The following COL4A3 variants were observed in gnomAD, a reference collection of about 807,000 sequenced individuals.
COL4A3 encodes the protein collagen alpha-3(IV) chain.
A neutral mutation model predicts 217.4 loss-of-function variants in COL4A3; 135 were observed. That is an observed-to-expected ratio of 0.62 (90% CI 0.54 to 0.72). COL4A3 has a LOEUF of 0.72. COL4A3 is among the 30% of genes least tolerant of loss of function. The pLI is 0.00. For missense variants in COL4A3, 1,868 were observed against 2,119.9 expected (o/e 0.88, Z 2.33); for synonymous variants, 690 against 736.3 (o/e 0.94, Z 1.02).
At chr2:227,254,783 G>A in intron 15 of COL4A3, 68 bp downstream of exon 15, 1 of 1,120,220 alleles carries the variant, frequency 8.9e-7, no homozygotes, top group Non-Finnish European at 1.4e-6. Context: ...TTAGGTTACA[G>A]GAACAAGATG....
rs1311157025 is a variant in COL4A3, at chr2:227,253,651, TTTTATGATTAG to T, written c.765+15_765+25del. Reference sequence around the variant, plus strand: ...AGATAACAGAACGGTAACTCTGCGATTTTATGATTAGTGTTGTGCCTTCCCGTGTCTAGGAT... The same window carrying T: ...AGATAACAGAACGGTAACTCTGCGATTGTTGTGCCTTCCCGTGTCTAGGAT... On this transcript the variant is annotated intron_variant, in intron 13 of 51. Transcript: ENST00000396578. This position sits in a 1 kb window ranked among gnomAD's most constrained non-coding sequence, Gnocchi z 4.4. The T allele has an allele frequency of 3.7e-6, 6 of 1,608,100 alleles. No homozygotes were observed. Among genetic ancestry groups the T allele is most frequent in the Non-Finnish European group, 5.1e-6 (6 of 1,174,742 alleles).
At chr2:227,303,987 C>CCAT in intron 45 of COL4A3, 32 bp from the exon 46 acceptor site, 2 of 1,614,226 alleles carry the variant, frequency 1.2e-6, no homozygotes, top group Non-Finnish European at 1.7e-6. Flanking sequence ...ATCCGTGAGG[C>CCAT]CATCATCTTC....
At chr2:227,290,364 G>C (rs368111855) in intron 36 of COL4A3, among the ~76,000 whole-genome samples, 2 of 152,174 alleles carry the variant, frequency 1.3e-5, no homozygotes, top group Admixed American at 6.5e-5. Flanking sequence ...GCTGGGTGTG[G>C]TGGCACATGC....
At chr2:227,245,688 T>C (rs967500192) in intron 5 of COL4A3, 8 of 519,028 alleles carry the variant, frequency 1.5e-5, no homozygotes, top group Non-Finnish European at 2.4e-5. Context: ...TAAAACAGCA[T>C]GTTAAAGGAC....
intron 17 of COL4A3, 48 bp downstream of exon 17, chr2:227,256,444 T>C: frequency 6.6e-7 from 1 of 1,515,834 alleles, no homozygotes; most frequent in Non-Finnish European, 9.2e-7. Context: ...GTTTTGCCTG[T>C]GCTTTTACTT....
intron 1 of COL4A3, among the ~76,000 whole-genome samples, chr2:227,193,125 T>C (rs2066307843): frequency 6.6e-6 from 1 of 152,186 alleles, no homozygotes; most frequent in African/African-American, 2.4e-5. Context: ...TAGGACTAAG[T>C]GCATCTCCTC....
rs542100614 is a variant in COL4A3 at position 227,164,771 on chromosome 2, G to T, written c.45G>T (p.Pro15=). 7.2e-6 allele frequency: 11 copies of T among 1,522,482 alleles called. No homozygotes were observed. The highest frequency in any genetic ancestry group is 1.2e-5 in the South Asian group (1 of 82,988). 94.3% of individuals were successfully genotyped at this position (1,522,482 alleles called of 1,614,324 possible). The change falls in exon 1 of 52, where the codon CCG becomes CCT. Residue 15 remains proline, a synonymous_variant. Coordinates refer to ENST00000396578, the MANE Select transcript of COL4A3 (RefSeq NM_000091.5). The surrounding 1 kb of genome is among the most constrained non-coding windows in gnomAD (Gnocchi z 4.8). ...CCAGGCCGCAGGTGCTCCTGCTGCC[G>T]CTCCTGCTGGTGCTCCTGGCGGCGG... ...TAPRPQVLLL[P]LLLVLLAAAP... is the part of the protein sequence containing the mutation.
intron 1 of COL4A3, among the ~76,000 whole-genome samples, chr2:227,236,617 G>A (rs2068714405): frequency 6.6e-6 from 1 of 151,986 alleles, no homozygotes. Context: ...ATAAAGCAAA[G>A]GATTAATATG....
rs1474879040 is a variant in COL4A3, at chr2:227,309,042, A to G, written c.4606A>G (p.Ile1536Val). 6.2e-7 allele frequency: 1 copy of G among 1,614,106 alleles called. No homozygotes were observed. Among genetic ancestry groups the G allele is most frequent in the Admixed American group, 1.7e-5 (1 of 60,000 alleles). Residue 1536 changes from isoleucine to valine, a missense_variant, in exon 49 of 52, where the codon ATT (isoleucine) becomes GTT (valine). This residue lies in a region of COL4A3 where 1,503 missense variants were observed against 1,786.1 expected (regional missense o/e 0.84). Transcript: ENST00000396578. ...TCTGATGCCAATGAACATGGCTCCC[A>G]TTACTGGCAGAGCCCTTGAGCCTTA... Reference protein sequence around the residue: ...PALMPMNMAPITGRALEPYIS... With the variant: ...PALMPMNMAPVTGRALEPYIS...
intron 1 of COL4A3, among the ~76,000 whole-genome samples, chr2:227,237,233 A>G (rs548188133): frequency 6.6e-6 from 1 of 152,376 alleles, no homozygotes; most frequent in South Asian, 2.1e-4. Context: ...TGATACTAGC[A>G]TTAATGAGTT....
chr2:227,254,257 T>C, intron 14 of COL4A3, 83 bp downstream of exon 14: 2 of 1,295,160 alleles, frequency 1.5e-6, no homozygotes. Context: ...TTGTCTTAAG[T>C]TGTTTTTTTT....
At chr2:227,244,618 T>C (rs906021255) in intron 4 of COL4A3, among the ~76,000 whole-genome samples, 1 of 152,320 alleles carries the variant, frequency 6.6e-6, no homozygotes, top group East Asian at 1.9e-4. Flanking sequence ...GATGATGGTA[T>C]ATAAAACTGC....
rs376750724 is a variant in COL4A3 at position 227,290,776 on chromosome 2, T to A, written c.3100T>A (p.Phe1034Ile). The change falls in exon 37 of 52, where the codon TTC becomes ATC. Residue 1034 changes from phenylalanine to isoleucine, a missense_variant. Coordinates refer to ENST00000396578, the MANE Select transcript of COL4A3 (RefSeq NM_000091.5). ...GSKGKRGTLG[F>I]PGRAGRPGLP... ...TAAAGGAAAAAGGGGAACTTTGGGA[T>A]TCCCAGGTCGAGCAGGAAGACCAGG... 144 of 1,613,378 alleles carry A rather than the reference T, an allele frequency of 8.9e-5. No individual in the cohort carries two copies. Among genetic ancestry groups the A allele is most frequent in the Non-Finnish European group, 1.2e-4 (141 of 1,179,930 alleles).
At chr2:227,183,030 T>A (rs1349654117) in intron 1 of COL4A3, among the ~76,000 whole-genome samples, 14 of 152,230 alleles carry the variant, frequency 9.2e-5, no homozygotes, top group Admixed American at 9.2e-4. Context: ...CAGACTTGTT[T>A]TTACATGTGA....
chr2:227,259,374 C>T (rs2070399128), intron 18 of COL4A3: 1 of 157,478 alleles, frequency 6.4e-6, no homozygotes, highest in Admixed American at 6.3e-5. Context: ...CCACCAGGAC[C>T]AGCAATTTTG....
chr2:227,173,509 G>T (rs1429117133), intron 1 of COL4A3, among the ~76,000 whole-genome samples: 1 of 151,992 alleles, frequency 6.6e-6, no homozygotes, highest in Non-Finnish European at 1.5e-5. Context: ...CCGATTTCAG[G>T]TCCATTTCCT....
At chr2:227,249,230 A>ATATATTTTTTTTTTTTTTT in intron 9 of COL4A3, among the ~76,000 whole-genome samples, 5 of 14,692 alleles carry the variant, frequency 3.4e-4, no homozygotes, top group East Asian at 2.7e-3. Flanking sequence ...ATATATATAT[A>ATATATTTTTTTTTTTTTTT]TTTTTTTTTT....
chr2:227,218,645 C>T (rs2067629361), intron 1 of COL4A3, among the ~76,000 whole-genome samples: 1 of 152,140 alleles, frequency 6.6e-6, no homozygotes, highest in African/African-American at 2.4e-5. Context: ...GTTGATCCAA[C>T]TTGAACAATC....
intron 1 of COL4A3, among the ~76,000 whole-genome samples, chr2:227,218,939 G>A (rs6742265): frequency 0.45 from 68,161 of 151,544 alleles, 16,612 homozygotes; most frequent in Non-Finnish European, 0.57. Flanking sequence ...TGTGGAATTT[G>A]TCATCTTCCA....
Sources: allele counts gnomAD v4.1 joint callset (sites outside exome capture counted in the v4.1 genomes callset), GRCh38; gene constraint gnomAD v4.1.1; regional missense constraint gnomAD v4.1.1; non-coding constraint Gnocchi (gnomAD v3.1); transcripts MANE v1.5; gene names NCBI Gene and HGNC (gene_info 2026-07-23, HGNC 2026-07-21).